Variants in SLC8A1 observed in about 807,000 individuals in gnomAD.
SLC8A1 encodes the protein solute carrier family 8 member A1.
Under a neutral mutation model 68.3 loss-of-function variants are expected in SLC8A1, and 18 were observed. The ratio of observed to expected loss-of-function variants is 0.26; its 90% CI spans 0.18 to 0.39. The LOEUF is 0.39. SLC8A1 is among the 10% of genes least tolerant of loss of function. The pLI is 1.00. For missense variants in SLC8A1, 985 were observed against 1,156.7 expected (o/e 0.85, Z 2.15); for synonymous variants, 475 against 415.5 (o/e 1.14, Z -1.74).
chr2:40,267,773 A>G (rs2065532659), intron 2 of SLC8A1, among the ~76,000 whole-genome samples: 1 of 152,084 alleles, frequency 6.6e-6, no homozygotes, highest in African/African-American at 2.4e-5. Flanking sequence ...TATTTTCCTG[A>G]TATTATAGGA....
intron 1 of SLC8A1, among the ~76,000 whole-genome samples, chr2:40,480,628 G>A (rs1454889262): frequency 6.6e-6 from 1 of 152,142 alleles, no homozygotes; most frequent in Non-Finnish European, 1.5e-5. Flanking sequence ...TTAGATTAAG[G>A]AGGTTGAGTG....
chr2:40,298,438 G>A (rs1172936470), intron 2 of SLC8A1, among the ~76,000 whole-genome samples: 2 of 152,146 alleles, frequency 1.3e-5, no homozygotes, highest in East Asian at 1.9e-4. Context: ...TATGAAGACA[G>A]TCTTTATATT....
At chr2:40,413,460 G>C (rs994702196) in intron 2 of SLC8A1, among the ~76,000 whole-genome samples, 2 of 152,148 alleles carry the variant, frequency 1.3e-5, no homozygotes, top group South Asian at 4.1e-4. Flanking sequence ...GTAGGGACAT[G>C]GATGAAGCTG....
intron 2 of SLC8A1, among the ~76,000 whole-genome samples, chr2:40,333,224 G>T (rs558839113): frequency 1.2e-4 from 18 of 152,092 alleles, no homozygotes; most frequent in Non-Finnish European, 2.4e-4. Flanking sequence ...GGATCACGAC[G>T]TCAGGAGATC....
At chr2:40,470,591 A>C (rs921204182) in intron 1 of SLC8A1, among the ~76,000 whole-genome samples, 4 of 151,904 alleles carry the variant, frequency 2.6e-5, no homozygotes, top group Non-Finnish European at 5.9e-5. Flanking sequence ...GCAAGTTATA[A>C]AACATTACAT....
chr2:40,379,088 A>G (rs1559452631), intron 2 of SLC8A1, among the ~76,000 whole-genome samples: 1 of 152,114 alleles, frequency 6.6e-6, no homozygotes, highest in Non-Finnish European at 1.5e-5. Flanking sequence ...GGCTCATAAT[A>G]GATGCCATTT....
intron 2 of SLC8A1, among the ~76,000 whole-genome samples, chr2:40,333,437 C>CAAAA (rs11392390): frequency 1.4e-5 from 1 of 73,860 alleles, no homozygotes; most frequent in African/African-American, 4.1e-5. Flanking sequence ...GACTCCGTCT[C>CAAAA]AAAAAAAAAA....
At position 40,374,035 on chromosome 2, in the gene SLC8A1, G is replaced by A. The variant is rs151137329; in HGVS notation, c.1808+54438C>T. ...CCTGACCCAGTGTGAAACACAGGAC[G>A]CAGTGAGGTAAAGTTTGGACTTTTC... On this transcript the variant is annotated intron_variant, in intron 2 of 7. Transcript: ENST00000406785. Among the ~76,000 whole-genome samples, 678 of 152,228 alleles carry A rather than the reference G, an allele frequency of 4.5e-3. 5 individuals carry two copies. Among genetic ancestry groups the A allele is most frequent in the African/African-American group, 0.015 (609 of 41,562 alleles).
chr2:40,178,578 C>G lies in SLC8A1; in HGVS notation c.1809-723G>C, dbSNP rs532025084. On this transcript the variant is annotated intron_variant, in intron 2 of 7. Transcript: ENST00000406785. ...TAGAGAAGAGGAAAGCAAGGTTAAC[C>G]AGCTGCACTTTCAGACAAACAGTAA... The G allele has an allele frequency of 2.7e-6, 3 of 1,122,638 alleles. No individual in the cohort carries two copies. In the Admixed American group the frequency reaches 6.0e-5, roughly 22 times the overall value. The allele number at this position is 1,122,638 out of a possible 1,614,324, so 69.5% of individuals were successfully genotyped here. A position where few individuals can be genotyped will look rare whatever the true frequency, so the allele number is the denominator to read the frequency against.
At chr2:40,327,704 T>A (rs142387585) in intron 2 of SLC8A1, among the ~76,000 whole-genome samples, 2 of 152,006 alleles carry the variant, frequency 1.3e-5, no homozygotes, top group Non-Finnish European at 2.9e-5. Flanking sequence ...GAGCTAAACA[T>A]TGGGTACACA....
chr2:40,432,876 A>G (rs1265209865), intron 1 of SLC8A1, among the ~76,000 whole-genome samples: 1 of 152,134 alleles, frequency 6.6e-6, no homozygotes, highest in Non-Finnish European at 1.5e-5. Context: ...TATAAAATCT[A>G]ATTTATAAGT....
At chr2:40,377,969 T>A (rs1447931285) in intron 2 of SLC8A1, among the ~76,000 whole-genome samples, 1 of 152,140 alleles carries the variant, frequency 6.6e-6, no homozygotes, top group African/African-American at 2.4e-5. Context: ...AACTCCAACT[T>A]CATTTCACAG....
chr2:40,150,747 C>G (rs751144488), intron 6 of SLC8A1, among the ~76,000 whole-genome samples: 1 of 152,176 alleles, frequency 6.6e-6, no homozygotes, highest in Non-Finnish European at 1.5e-5. Context: ...AGCCAATATT[C>G]TTTTCAGAAA....
intron 2 of SLC8A1, among the ~76,000 whole-genome samples, chr2:40,408,923 AAAAG>A (rs1242340264): frequency 2.6e-5 from 4 of 152,204 alleles, no homozygotes; most frequent in Admixed American, 6.6e-5. Context: ...AAAATGGAAC[AAAAG>A]AAAGATAAGA....
chr2:40,205,144 T>G (rs895877713), intron 2 of SLC8A1, among the ~76,000 whole-genome samples: 4 of 152,058 alleles, frequency 2.6e-5, no homozygotes, highest in African/African-American at 4.8e-5. Flanking sequence ...ACAACATGCA[T>G]AAGTATGTGA....
chr2:40,362,570 TA>T, intron 2 of SLC8A1, among the ~76,000 whole-genome samples: 1 of 152,258 alleles, frequency 6.6e-6, no homozygotes, highest in African/African-American at 2.4e-5. Flanking sequence ...ACTATGTTAA[TA>T]AAAATGATAT....
rs2048847745 is a variant in SLC8A1, at chr2:40,178,312, T to C, written c.1809-457A>G. 3 of 1,076,748 alleles carry C rather than the reference T, an allele frequency of 2.8e-6. No homozygotes were observed. The South Asian group carries it at 3.8e-5, about 14-fold the overall frequency. The allele number at this position is 1,076,748 out of a possible 1,614,324, so 66.7% of individuals were successfully genotyped here. A position where few individuals can be genotyped will look rare whatever the true frequency, so the allele number is the denominator to read the frequency against. On this transcript the variant is annotated intron_variant, in intron 2 of 7. Transcript: ENST00000406785. ...GATGTGTGCATTGTAAGTCATGTTC[T>C]GAAGAGTGCAGGCATCCAGGGGTGG... is the stretch of plus-strand genomic sequence containing the variant.
At chr2:40,409,133 T>C (rs1320570241) in intron 2 of SLC8A1, among the ~76,000 whole-genome samples, 2 of 152,178 alleles carry the variant, frequency 1.3e-5, no homozygotes, top group African/African-American at 4.8e-5. Flanking sequence ...GAGACAAGAA[T>C]ACAAGGTCCT....
intron 2 of SLC8A1, among the ~76,000 whole-genome samples, chr2:40,277,892 A>T (rs904026457): frequency 1.3e-5 from 2 of 149,558 alleles, no homozygotes; most frequent in African/African-American, 4.9e-5. Context: ...AAAGCTTTAC[A>T]TCTAAAATGT....
Sources: gnomAD v4.1 joint callset for allele counts (sites outside exome capture counted in the v4.1 genomes callset) on GRCh38, gnomAD v4.1.1 for gene constraint, MANE v1.5 for transcripts, NCBI Gene and HGNC (gene_info 2026-07-23, HGNC 2026-07-21) for gene names.